The following FAAH2 variants were observed in gnomAD, a reference collection of about 807,000 sequenced individuals.
The protein encoded by FAAH2 is fatty-acid amide hydrolase 2.
Under a neutral mutation model 36.9 loss-of-function variants are expected in FAAH2, and 60 were observed. That is an observed-to-expected ratio of 1.63 (90% confidence interval 1.32 to 2.02). FAAH2 has a LOEUF of 2.02. FAAH2 is among the 30% of genes most tolerant of loss of function. The pLI, the probability that FAAH2 is intolerant of heterozygous loss-of-function variation, is 0.00. For synonymous variants in FAAH2, 214 were observed against 143.8 expected, an observed-to-expected ratio of 1.49 and a Z score of -3.49; for missense variants, 689 against 397.5, an observed-to-expected ratio of 1.73 and a Z score of -6.23.
At chrX:57,144,653 C>T in the FAAH2 span, among the ~76,000 whole-genome samples, 1 of 110,202 alleles carries the variant, frequency 9.1e-6, no homozygotes, top group South Asian at 3.9e-4. Context: ...AATTTTCAGT[C>T]GTTTATCCCT....
intron 8 of FAAH2, among the ~76,000 whole-genome samples, chrX:57,432,389 G>A: frequency 9.0e-6 from 1 of 111,444 alleles, no homozygotes; most frequent in Non-Finnish European, 1.9e-5. Flanking sequence ...ACAGGGGAAT[G>A]AAGCTAATCT....
At chrX:57,123,361 C>T in the FAAH2 span, among the ~76,000 whole-genome samples, 1 of 112,171 alleles carries the variant, frequency 8.9e-6, no homozygotes, top group African/African-American at 3.2e-5. Context: ...CATAGTATTC[C>T]ATGGTGTATA....
the FAAH2 span, among the ~76,000 whole-genome samples, chrX:57,162,900 G>A: frequency 1.8e-5 from 2 of 112,962 alleles, no homozygotes; most frequent in Admixed American, 1.9e-4. Context: ...TCCCTTGCTG[G>A]TAACGAACTG....
chrX:57,349,350 CAT>C (rs1392143264), intron 5 of FAAH2, among the ~76,000 whole-genome samples: 9 of 96,142 alleles, frequency 9.4e-5, no homozygotes, highest in African/African-American at 1.5e-4. Context: ...GTTTTATACA[CAT>C]ATATATTTTA....
At chrX:57,240,631 C>A in the FAAH2 span, among the ~76,000 whole-genome samples, 2 of 112,368 alleles carry the variant, frequency 1.8e-5, no homozygotes, top group South Asian at 7.3e-4. Context: ...CATGTGTGCA[C>A]ACCACCAGCA....
chrX:57,287,009 C>T lies in FAAH2; in HGVS notation c.184C>T (p.Gln62Ter). The T allele has an allele frequency of 8.4e-7, 1 of 1,184,728 alleles. No individual in the cohort carries two copies. Among genetic ancestry groups the T allele is most frequent in the Non-Finnish European group, 1.1e-6 (1 of 880,124 alleles). The change falls in exon 1 of 11, where the codon CAG (glutamine) becomes TAG (stop). Residue 62 changes from glutamine (Q) to a stop codon, truncating the protein, a stop_gained. Transcript: ENST00000374900. LOFTEE classifies it high-confidence loss of function. ...SGMQLAKLIR[Q>*]RKVKCIDVVQ... is the part of the protein sequence containing the mutation. ...GATGCAGCTGGCCAAGCTGATCCGA[C>T]AGAGAAAGGTGAGAATGCAATTCAG...
In FAAH2 at chrX:57,438,584, TTTTTTA is replaced by T. The variant is rs1376919956; in HGVS notation, c.1116+6563_1116+6568del. 3.0e-3 allele frequency among the ~76,000 whole-genome samples: 332 copies of T among 110,606 alleles called. 3 individuals are homozygous for T. Among genetic ancestry groups the T allele is most frequent in the African/African-American group, 0.01 (317 of 30,570 alleles). On this transcript the variant is annotated intron_variant, in intron 8 of 10. Coordinates refer to ENST00000374900, the MANE Select transcript of FAAH2 (RefSeq NM_174912.4). ...TTTTCGAAGAATTAGAAAACATTCT[TTTTTTA>T]TTTTTATTTTTATTTCTATTATTGT...
the FAAH2 span, among the ~76,000 whole-genome samples, chrX:57,247,858 C>A: frequency 1.8e-5 from 2 of 112,333 alleles, no homozygotes; most frequent in Admixed American, 1.9e-4. Context: ...TTCCCTATTA[C>A]TGAAAGAGAG....
the FAAH2 span, among the ~76,000 whole-genome samples, chrX:57,231,375 C>T: frequency 9.0e-6 from 1 of 110,898 alleles, no homozygotes; most frequent in Non-Finnish European, 1.9e-5. Flanking sequence ...TTCCTTTCCC[C>T]CAGAGAAAAA....
chrX:57,265,829 C>T, the FAAH2 span, among the ~76,000 whole-genome samples: 1 of 111,707 alleles, frequency 9.0e-6, no homozygotes, highest in African/African-American at 3.3e-5. Flanking sequence ...CAGCACACTG[C>T]CCTATGAAAA....
chrX:57,288,442 C>T (rs1029743516), intron 1 of FAAH2, among the ~76,000 whole-genome samples: 16 of 101,162 alleles, frequency 1.6e-4, no homozygotes, highest in Non-Finnish European at 2.6e-4. Flanking sequence ...CTCCGCCTCC[C>T]GGGTTGACGC....
chrX:57,473,110 A>T (rs1330166695), intron 10 of FAAH2, among the ~76,000 whole-genome samples: 1 of 110,151 alleles, frequency 9.1e-6, no homozygotes, highest in Non-Finnish European at 1.9e-5. Context: ...TATTTCCTTA[A>T]GGTGTGAATT....
At chrX:57,168,077 C>A in the FAAH2 span, among the ~76,000 whole-genome samples, 320 of 111,386 alleles carry the variant, frequency 2.9e-3, no homozygotes, top group African/African-American at 9.9e-3. Flanking sequence ...TTAGTAATTT[C>A]TTTTTTTAAT....
At chrX:57,157,807 A>ATTTTTAT in the FAAH2 span, among the ~76,000 whole-genome samples, 4 of 110,771 alleles carry the variant, frequency 3.6e-5, no homozygotes, top group Non-Finnish European at 7.6e-5. Context: ...GCTCAGTTTA[A>ATTTTTAT]TTTTTATTTT....
At chrX:57,294,759 T>G (rs1181058450) in intron 2 of FAAH2, among the ~76,000 whole-genome samples, 2 of 111,410 alleles carry the variant, frequency 1.8e-5, no homozygotes, top group Non-Finnish European at 3.8e-5. Context: ...CTCAGTCCAG[T>G]TCTCAATTTT....
At chrX:57,347,376 A>T (rs774747943) in intron 5 of FAAH2, among the ~76,000 whole-genome samples, 2 of 111,373 alleles carry the variant, frequency 1.8e-5, no homozygotes, top group East Asian at 5.7e-4. Flanking sequence ...CTACTGTATT[A>T]TGAACTTTTT....
chrX:57,478,408 G>T (rs1004723815), intron 10 of FAAH2, among the ~76,000 whole-genome samples: 1 of 111,128 alleles, frequency 9.0e-6, no homozygotes, highest in South Asian at 3.8e-4. Context: ...CAGATGAGTA[G>T]GTTGTGAAAA....
the FAAH2 span, among the ~76,000 whole-genome samples, chrX:57,212,370 A>G: frequency 8.9e-6 from 1 of 112,437 alleles, no homozygotes; most frequent in Non-Finnish European, 1.9e-5. Context: ...ATTCTAACCA[A>G]AAACAAGTCT....
At chrX:57,175,846 T>A in the FAAH2 span, among the ~76,000 whole-genome samples, 1 of 112,034 alleles carries the variant, frequency 8.9e-6, no homozygotes, top group Non-Finnish European at 1.9e-5. Flanking sequence ...TTTTACTGAA[T>A]ACAAAATTCT....
Sources: allele counts gnomAD v4.1 joint callset (sites outside exome capture counted in the v4.1 genomes callset), GRCh38; gene constraint gnomAD v4.1.1; transcripts MANE v1.5; gene names NCBI Gene and HGNC (gene_info 2026-07-23, HGNC 2026-07-21).